The following IL1RAPL2 variants were observed in gnomAD, a reference collection of about 807,000 sequenced individuals.
IL1RAPL2 encodes X-linked interleukin-1 receptor accessory protein-like 2.
Under a neutral mutation model 44.1 loss-of-function variants are expected in IL1RAPL2, and 3 were observed. That is an observed-to-expected ratio of 0.07 (90% CI 0.03 to 0.18). The LOEUF (loss-of-function observed/expected upper bound fraction) is 0.18. IL1RAPL2 is among the 10% of genes least tolerant of loss of function. The pLI, the probability that IL1RAPL2 is intolerant of heterozygous loss-of-function variation, is 1.00. For synonymous variants in IL1RAPL2, 181 were observed against 178.8 expected, an observed-to-expected ratio of 1.01 and a Z score of -0.10; for missense variants, 391 against 496.4, an observed-to-expected ratio of 0.79 and a Z score of 2.02.
intron 2 of IL1RAPL2, among the ~76,000 whole-genome samples, chrX:105,021,504 A>C (rs1397028044): frequency 9.0e-6 from 1 of 111,044 alleles, no homozygotes; most frequent in African/African-American, 3.3e-5. Flanking sequence ...TCACTGGGTC[A>C]CTTCTCAGTC....
At chrX:104,782,324 A>G (rs1023533085) in intron 2 of IL1RAPL2, among the ~76,000 whole-genome samples, 5 of 110,806 alleles carry the variant, frequency 4.5e-5, no homozygotes, top group Non-Finnish European at 7.5e-5. Flanking sequence ...AGTAGAGGGC[A>G]TCAGTAGGAG....
At chrX:105,717,559 T>C in intron 7 of IL1RAPL2, 63 bp downstream of exon 7, 1 of 1,047,318 alleles carries the variant, frequency 9.5e-7, no homozygotes, top group Non-Finnish European at 1.3e-6. Flanking sequence ...AGGATTTTAA[T>C]TGCAACTCCA....
At chrX:105,306,036 T>TG (rs11456117) in intron 5 of IL1RAPL2, among the ~76,000 whole-genome samples, 28,669 of 111,070 alleles carry the variant, frequency 0.26, 7,087 homozygotes, top group African/African-American at 0.79. Flanking sequence ...CTTCATTTTG[T>TG]GTTGAAAGGT....
intron 2 of IL1RAPL2, among the ~76,000 whole-genome samples, chrX:104,919,220 CTTTCT>C (rs1569342779): frequency 3.1e-5 from 1 of 31,810 alleles, no homozygotes; most frequent in African/African-American, 7.2e-5. Flanking sequence ...GGCACTTTTT[CTTTCT>C]TTTTTTTTTT....
chrX:105,276,144 G>T (rs781327960), intron 5 of IL1RAPL2, among the ~76,000 whole-genome samples: 3 of 112,608 alleles, frequency 2.7e-5, no homozygotes, highest in Non-Finnish European at 3.8e-5. Flanking sequence ...GGTGGCTCAC[G>T]CCTGTAATCC....
intron 2 of IL1RAPL2, among the ~76,000 whole-genome samples, chrX:104,920,880 A>C (rs1207776751): frequency 9.0e-6 from 1 of 110,552 alleles, no homozygotes; most frequent in Non-Finnish European, 1.9e-5. Context: ...GTATACCTGC[A>C]CACTCTGACC....
intron 2 of IL1RAPL2, among the ~76,000 whole-genome samples, chrX:104,676,730 G>C (rs1171808455): frequency 8.9e-6 from 1 of 111,978 alleles, no homozygotes; most frequent in Non-Finnish European, 1.9e-5. Flanking sequence ...GTCACTTTCA[G>C]ATACACCAAT....
chrX:104,712,933 A>G (rs745936445), intron 2 of IL1RAPL2, among the ~76,000 whole-genome samples: 1 of 110,965 alleles, frequency 9.0e-6, no homozygotes, highest in South Asian at 3.8e-4. Flanking sequence ...TATTGGGAGG[A>G]ACTTTTTTTC....
At chrX:105,034,035 A>G (rs1206574430) in intron 2 of IL1RAPL2, among the ~76,000 whole-genome samples, 2 of 111,916 alleles carry the variant, frequency 1.8e-5, no homozygotes, top group East Asian at 5.6e-4. Flanking sequence ...AGGCTTCTGC[A>G]TTCTTCACGT....
intron 2 of IL1RAPL2, among the ~76,000 whole-genome samples, chrX:105,082,391 G>A (rs181097649): frequency 1.3e-4 from 14 of 111,151 alleles, no homozygotes; most frequent in South Asian, 3.8e-4. Flanking sequence ...TCTGGCTAGC[G>A]GTCTATTTTG....
intron 6 of IL1RAPL2, among the ~76,000 whole-genome samples, chrX:105,589,839 T>C (rs2037155783): frequency 8.9e-6 from 1 of 111,923 alleles, no homozygotes; most frequent in South Asian, 3.7e-4. Flanking sequence ...TCTGTTTGCT[T>C]AGGATTGCTT....
intron 2 of IL1RAPL2, among the ~76,000 whole-genome samples, chrX:104,724,709 C>A (rs892645326): frequency 9.0e-6 from 1 of 111,412 alleles, no homozygotes; most frequent in Non-Finnish European, 1.9e-5. Context: ...ATAGACTTCA[C>A]AACAAAAATA....
chrX:105,656,983 C>CT (rs11422348), intron 6 of IL1RAPL2, among the ~76,000 whole-genome samples: 53,303 of 109,960 alleles, frequency 0.48, 10,925 homozygotes, highest in African/African-American at 0.79. Context: ...TTTTAGATTT[C>CT]TTTTACCTTT....
intron 6 of IL1RAPL2, among the ~76,000 whole-genome samples, chrX:105,642,075 C>T (rs1189278054): frequency 2.7e-5 from 3 of 110,741 alleles, no homozygotes; most frequent in African/African-American, 6.6e-5. Context: ...AAGGGCAAAA[C>T]GTGTTACCAG....
chrX:105,457,033 T>TACACAC (rs58305468), intron 5 of IL1RAPL2, among the ~76,000 whole-genome samples: 2,552 of 85,261 alleles, frequency 0.03, 73 homozygotes, highest in East Asian at 0.085. Context: ...TCTAAAGTTA[T>TACACAC]ACACACACAC....
chrX:105,381,467 G>A (rs181968162), intron 5 of IL1RAPL2, among the ~76,000 whole-genome samples: 2 of 111,587 alleles, frequency 1.8e-5, no homozygotes, highest in East Asian at 2.8e-4. Context: ...AAAGTAAAAT[G>A]TACGTAGGCT....
chrX:105,743,781 T>C (rs960256037), intron 8 of IL1RAPL2, among the ~76,000 whole-genome samples: 1 of 111,979 alleles, frequency 8.9e-6, no homozygotes, highest in African/African-American at 3.2e-5. Context: ...ATTCTCCTCA[T>C]AGAGGACAAG....
intron 6 of IL1RAPL2, among the ~76,000 whole-genome samples, chrX:105,648,842 G>C (rs918134674): frequency 9.0e-6 from 1 of 111,361 alleles, no homozygotes; most frequent in Non-Finnish European, 1.9e-5. Context: ...GAAAAGGTCA[G>C]GGAAGGAATA....
chrX:104,760,164 A>G (rs1390858383), intron 2 of IL1RAPL2, among the ~76,000 whole-genome samples: 2 of 112,347 alleles, frequency 1.8e-5, no homozygotes, highest in Admixed American at 9.4e-5. Context: ...TGTGCCATAT[A>G]TTCTTTATCC....
Sources: allele counts gnomAD v4.1 joint callset (sites outside exome capture counted in the v4.1 genomes callset), GRCh38; gene constraint gnomAD v4.1.1; transcripts MANE v1.5; gene names NCBI Gene and HGNC (gene_info 2026-07-23, HGNC 2026-07-21).